The following GRID2 variants were observed in gnomAD, a reference collection of about 807,000 sequenced individuals.
GRID2 encodes glutamate ionotropic receptor delta type subunit 2, also known as glutamate receptor ionotropic, delta-2.
In GRID2, 33 loss-of-function variants were observed where a neutral mutation model predicts 114.8. The ratio of observed to expected loss-of-function variants is 0.29; its 90% CI spans 0.22 to 0.38. The LOEUF is 0.38. Ranked by LOEUF, GRID2 falls within the 10% of genes least tolerant of loss-of-function variation. The probability of loss-of-function intolerance (pLI) is 1.00; values close to 1 mark genes in which losing one functional copy is unlikely to be tolerated. For synonymous variants in GRID2, 505 were observed against 449.9 expected, an observed-to-expected ratio of 1.12 and a Z score of -1.55; for missense variants, 1,184 against 1,257.7, an observed-to-expected ratio of 0.94 and a Z score of 0.89.
In GRID2 at chr4:92,390,743, A is replaced by G. The variant is rs542938242; in HGVS notation, c.88+85999A>G. Among the ~76,000 whole-genome samples the G allele has an allele frequency of 1.5e-4, 23 of 152,320 alleles. No homozygotes were observed. In the East Asian group the frequency reaches 1.7e-3, roughly 12 times the overall value. On this transcript the variant is annotated intron_variant, in intron 1 of 15. Coordinates refer to ENST00000282020, the MANE Select transcript of GRID2 (RefSeq NM_001510.4). Reference sequence around the variant, plus strand: ...TCTGAAGAGTTTCAGGTTTTACTCAACATAAGAAAAACACTTCATATTTTG... The same window carrying G: ...TCTGAAGAGTTTCAGGTTTTACTCAGCATAAGAAAAACACTTCATATTTTG...
In GRID2 at chr4:93,344,196, A is replaced by T. The variant is rs548139731; in HGVS notation, c.1246-51411A>T. 3.9e-5 allele frequency among the ~76,000 whole-genome samples: 6 copies of T among 152,200 alleles called. No individual in the cohort carries two copies. The East Asian group carries it at 1.2e-3, about 29-fold the overall frequency. On this transcript the variant is annotated intron_variant, in intron 8 of 15. Transcript: ENST00000282020. ...ATAGCCCTTACAAGACTGGTCATCAACATTCAGAACCATGTTAATTGCCAA... is the reference window on the plus strand; with the variant it reads ...ATAGCCCTTACAAGACTGGTCATCATCATTCAGAACCATGTTAATTGCCAA...
chr4:93,501,007 T>C (rs1489266538), intron 12 of GRID2, among the ~76,000 whole-genome samples: 1 of 151,990 alleles, frequency 6.6e-6, no homozygotes, highest in Non-Finnish European at 1.5e-5. Flanking sequence ...AAATGCATAT[T>C]CTTGAGGGTT....
intron 7 of GRID2, among the ~76,000 whole-genome samples, chr4:93,236,088 A>G (rs1188363721): frequency 1.3e-5 from 2 of 151,854 alleles, no homozygotes; most frequent in East Asian, 3.8e-4. Flanking sequence ...TCTGAACACA[A>G]GTTTTTGAAC....
chr4:93,492,845 A>C (rs945353742), intron 12 of GRID2, among the ~76,000 whole-genome samples: 3 of 151,842 alleles, frequency 2.0e-5, no homozygotes, highest in Non-Finnish European at 2.9e-5. Flanking sequence ...TGTGCATTAG[A>C]TTCCCACAAC....
intron 8 of GRID2, among the ~76,000 whole-genome samples, chr4:93,275,150 A>G (rs1332740001): frequency 6.6e-6 from 1 of 151,910 alleles, no homozygotes; most frequent in East Asian, 1.9e-4. Context: ...CATTTCACAT[A>G]AAGGGAAACA....
At chr4:92,405,200 C>T (rs1730968491) in intron 1 of GRID2, among the ~76,000 whole-genome samples, 1 of 152,116 alleles carries the variant, frequency 6.6e-6, no homozygotes, top group Non-Finnish European at 1.5e-5. Context: ...AACTGCTTTG[C>T]ATTTCCATCC....
At chr4:93,397,182 G>C (rs1373999271) in intron 9 of GRID2, among the ~76,000 whole-genome samples, 1 of 151,952 alleles carries the variant, frequency 6.6e-6, no homozygotes, top group East Asian at 1.9e-4. Context: ...GGACATTCAA[G>C]TGAGTGACCT....
chr4:93,191,015 T>G (rs1740926565), intron 4 of GRID2, among the ~76,000 whole-genome samples: 2 of 152,044 alleles, frequency 1.3e-5, no homozygotes, highest in African/African-American at 4.8e-5. Context: ...TCTCAGAAAT[T>G]TTATTAGTTC....
At chr4:93,267,626 C>T (rs745840942) in intron 8 of GRID2, among the ~76,000 whole-genome samples, 29 of 152,174 alleles carry the variant, frequency 1.9e-4, no homozygotes, top group African/African-American at 2.7e-4. Context: ...GGTCCACATT[C>T]GCCACCCGGG....
chr4:92,398,418 G>T (rs961886167), intron 1 of GRID2, among the ~76,000 whole-genome samples: 1 of 151,828 alleles, frequency 6.6e-6, no homozygotes, highest in Non-Finnish European at 1.5e-5. Context: ...CTCCTGCCTC[G>T]GCCTCCAGAG....
At chr4:93,694,581 A>G (rs1269795996) in intron 14 of GRID2, among the ~76,000 whole-genome samples, 4 of 152,120 alleles carry the variant, frequency 2.6e-5, no homozygotes, top group Admixed American at 1.3e-4. Flanking sequence ...TTAAAATACA[A>G]ACATCTTGCC....
At chr4:92,922,864 A>T (rs530679735) in intron 2 of GRID2, among the ~76,000 whole-genome samples, 1 of 152,212 alleles carries the variant, frequency 6.6e-6, no homozygotes, top group Non-Finnish European at 1.5e-5. Flanking sequence ...ATGCTGTTAG[A>T]CGTTAGAATA....
chr4:92,849,183 G>A (rs1285110017), intron 2 of GRID2, among the ~76,000 whole-genome samples: 1 of 151,882 alleles, frequency 6.6e-6, no homozygotes, highest in Non-Finnish European at 1.5e-5. Context: ...AAAAAGAGGT[G>A]TTTCTGAGTT....
intron 8 of GRID2, among the ~76,000 whole-genome samples, chr4:93,372,217 A>G (rs1433355872): frequency 6.6e-6 from 1 of 152,226 alleles, no homozygotes; most frequent in African/African-American, 2.4e-5. Context: ...TCTCAGGAAT[A>G]ATTATTCCTT....
chr4:93,328,320 T>C (rs1388094909), intron 8 of GRID2, among the ~76,000 whole-genome samples: 1 of 152,090 alleles, frequency 6.6e-6, no homozygotes, highest in Non-Finnish European at 1.5e-5. Context: ...AATTTACCCC[T>C]TTGCATGCCC....
chr4:93,215,575 C>A (rs57577000), intron 5 of GRID2, among the ~76,000 whole-genome samples: 1 of 151,910 alleles, frequency 6.6e-6, no homozygotes, highest in African/African-American at 2.4e-5. Context: ...TTTTATGGAA[C>A]ATTAAGGATT....
intron 14 of GRID2, among the ~76,000 whole-genome samples, chr4:93,685,240 C>G (rs1725970014): frequency 6.6e-6 from 1 of 152,070 alleles, no homozygotes; most frequent in South Asian, 2.1e-4. Context: ...CTTTGTATCC[C>G]TGTTCTGAGG....
intron 2 of GRID2, among the ~76,000 whole-genome samples, chr4:92,622,582 A>G (rs752949959): frequency 6.6e-6 from 1 of 151,784 alleles, no homozygotes; most frequent in South Asian, 2.1e-4. Context: ...TTCAAAGTGA[A>G]CATCAGTCCC....
chr4:92,612,565 G>A (rs929840817), intron 2 of GRID2, among the ~76,000 whole-genome samples: 2 of 151,292 alleles, frequency 1.3e-5, no homozygotes, highest in Non-Finnish European at 1.5e-5. Flanking sequence ...ACAATATTGA[G>A]TATTTCAATT....
Sources: allele counts gnomAD v4.1 joint callset (sites outside exome capture counted in the v4.1 genomes callset), GRCh38; gene constraint gnomAD v4.1.1; transcripts MANE v1.5; gene names NCBI Gene and HGNC (gene_info 2026-07-23, HGNC 2026-07-21).